Variants in DNAJC5B observed in about 807,000 individuals in gnomAD.
DNAJC5B encodes the protein dnaJ homolog subfamily C member 5B.
DNAJC5B carries 23 observed loss-of-function variants against 24.7 expected under a neutral mutation model. The ratio of observed to expected loss-of-function variants is 0.93; its 90% CI spans 0.67 to 1.32. The LOEUF is 1.32. Among genes scored for constraint, DNAJC5B ranks in the 40% most tolerant of loss-of-function variants. The pLI is 0.00. For missense variants in DNAJC5B, 238 were observed against 240.8 expected (o/e 0.99, Z 0.08); for synonymous variants, 101 against 90.1 (o/e 1.12, Z -0.68).
At chr8:66,018,601 C>G (rs1380059579), upstream of DNAJC5B, among the ~76,000 whole-genome samples, 1 of 152,206 alleles carries the variant, frequency 6.6e-6, no homozygotes. Context: ...TTGGGAACTT[C>G]TGGCCTAGAG....
intron 5 of DNAJC5B, among the ~76,000 whole-genome samples, chr8:66,087,625 T>C (rs1197914206): frequency 6.6e-6 from 1 of 152,168 alleles, no homozygotes; most frequent in East Asian, 1.9e-4. Context: ...GGTACAGGCG[T>C]TGGGTAAATG....
chr8:66,039,577 C>T (rs375304085), intron 1 of DNAJC5B, among the ~76,000 whole-genome samples: 18 of 151,992 alleles, frequency 1.2e-4, no homozygotes, highest in African/African-American at 3.9e-4. Context: ...CTCGAGCTCC[C>T]GACCTCAGGT....
chr8:66,055,412 C>G (rs1310494143), intron 3 of DNAJC5B, among the ~76,000 whole-genome samples: 2 of 152,188 alleles, frequency 1.3e-5, no homozygotes, highest in Non-Finnish European at 2.9e-5. Context: ...AATCTATACA[C>G]CACTTGGCCA....
intron 1 of DNAJC5B, among the ~76,000 whole-genome samples, chr8:66,022,809 C>T (rs544393140): frequency 6.6e-6 from 1 of 152,214 alleles, no homozygotes; most frequent in Non-Finnish European, 1.5e-5. Context: ...AACTTCTGTA[C>T]AGAAGTCACT....
At chr8:66,049,357 C>T (rs963183018) in intron 2 of DNAJC5B, among the ~76,000 whole-genome samples, 4 of 152,230 alleles carry the variant, frequency 2.6e-5, no homozygotes, top group Non-Finnish European at 5.9e-5. Flanking sequence ...TGATTCAGAA[C>T]AACTTCCAGT....
At chr8:66,028,862 G>A (rs1482001190) in intron 1 of DNAJC5B, among the ~76,000 whole-genome samples, 4 of 152,098 alleles carry the variant, frequency 2.6e-5, no homozygotes, top group African/African-American at 7.2e-5. Flanking sequence ...AGTTTTTCCC[G>A]TTGTTTATAA....
intron 3 of DNAJC5B, among the ~76,000 whole-genome samples, chr8:66,053,817 C>G (rs112047666): frequency 6.6e-6 from 1 of 151,830 alleles, no homozygotes; most frequent in Non-Finnish European, 1.5e-5. Flanking sequence ...TTAGTAGAGA[C>G]GGGGTTTCTC....
At chr8:66,088,220 G>C (rs76179054) in intron 5 of DNAJC5B, among the ~76,000 whole-genome samples, 1 of 152,234 alleles carries the variant, frequency 6.6e-6, no homozygotes, top group African/African-American at 2.4e-5. Context: ...AATAGCCTTA[G>C]CTGTACCTTG....
chr8:66,097,865 T>C (rs1347718059), intron 5 of DNAJC5B, among the ~76,000 whole-genome samples: 7 of 152,190 alleles, frequency 4.6e-5, no homozygotes, highest in African/African-American at 1.7e-4. Flanking sequence ...TTCTTTTTTT[T>C]TGAGACGGAG....
At chr8:66,051,159 T>A (rs759180420) in intron 2 of DNAJC5B, among the ~76,000 whole-genome samples, 1 of 152,168 alleles carries the variant, frequency 6.6e-6, no homozygotes, top group Non-Finnish European at 1.5e-5. Flanking sequence ...TGGCTAAATT[T>A]GGAAAATATA....
chr8:66,038,901 G>T (rs1806545755), intron 1 of DNAJC5B, among the ~76,000 whole-genome samples: 1 of 152,120 alleles, frequency 6.6e-6, no homozygotes, highest in Non-Finnish European at 1.5e-5. Flanking sequence ...GCCTAGCAGG[G>T]GCCAAGACTC....
intron 3 of DNAJC5B, among the ~76,000 whole-genome samples, chr8:66,070,926 G>A (rs1198905845): frequency 2.0e-5 from 3 of 152,056 alleles, no homozygotes; most frequent in African/African-American, 7.2e-5. Context: ...ATTTTTGACA[G>A]ACCTGACACA....
chr8:66,051,528 T>C lies in DNAJC5B; in HGVS notation c.-17-3T>C, dbSNP rs945333878. ...ACCTTCATGGCTATTTTCTCCCCTT[T>C]AGTTTTGCAGCCTTAGAAAATGGCA... On this transcript the variant is annotated splice_polypyrimidine_tract_variant and splice_region_variant and intron_variant, in intron 2 of 5. Coordinates refer to ENST00000276570, the MANE Select transcript of DNAJC5B (RefSeq NM_033105.6). The C allele has an allele frequency of 6.3e-7, 1 of 1,575,064 alleles. No individual in the cohort carries two copies. The highest frequency in any genetic ancestry group is 2.2e-5 in the East Asian group (1 of 44,678).
chr8:66,046,445 G>A (rs755583314), intron 2 of DNAJC5B, among the ~76,000 whole-genome samples: 1 of 152,208 alleles, frequency 6.6e-6, no homozygotes, highest in Non-Finnish European at 1.5e-5. Context: ...ACTATTCAGA[G>A]TTCTTGTGAG....
At chr8:66,039,100 A>T (rs761341024) in intron 1 of DNAJC5B, among the ~76,000 whole-genome samples, 9 of 152,180 alleles carry the variant, frequency 5.9e-5, no homozygotes, top group Non-Finnish European at 1.2e-4. Flanking sequence ...GCTTTAACAC[A>T]TGCACCATTT....
intron 3 of DNAJC5B, among the ~76,000 whole-genome samples, chr8:66,075,381 G>T (rs779466891): frequency 2.0e-5 from 3 of 152,062 alleles, no homozygotes; most frequent in Admixed American, 1.3e-4. Flanking sequence ...ACCATGGGGG[G>T]GGAAATGCTG....
At chr8:66,038,234 T>G (rs996788584) in intron 1 of DNAJC5B, among the ~76,000 whole-genome samples, 2 of 152,254 alleles carry the variant, frequency 1.3e-5, no homozygotes, top group Non-Finnish European at 2.9e-5. Flanking sequence ...AATGGGCACC[T>G]ATTAATAATA....
At chr8:66,098,535 G>A (rs1808004020) in intron 5 of DNAJC5B, among the ~76,000 whole-genome samples, 1 of 151,922 alleles carries the variant, frequency 6.6e-6, no homozygotes, top group Non-Finnish European at 1.5e-5. Flanking sequence ...CTATGGATTG[G>A]TGTATTTCAT....
intron 2 of DNAJC5B, among the ~76,000 whole-genome samples, chr8:66,046,677 G>A (rs1033852379): frequency 2.6e-5 from 4 of 152,198 alleles, no homozygotes; most frequent in African/African-American, 9.6e-5. Flanking sequence ...GTATATGCCC[G>A]CTGCCCCTCG....
Sources: gnomAD v4.1 joint callset for allele counts (sites outside exome capture counted in the v4.1 genomes callset) on GRCh38, gnomAD v4.1.1 for gene constraint, MANE v1.5 for transcripts, NCBI Gene and HGNC (gene_info 2026-07-23, HGNC 2026-07-21) for gene names.